MRTFA: variants seen among roughly 807,000 people sequenced by gnomAD.
MRTFA encodes the protein myocardin-related transcription factor A.
In MRTFA, 20 loss-of-function variants were observed where a neutral mutation model predicts 83.5. The observed-to-expected ratio is 0.24, with a 90% CI of 0.17 to 0.35. MRTFA has a LOEUF of 0.35. MRTFA is among the 10% of genes least tolerant of loss of function. The probability of loss-of-function intolerance (pLI) is 1.00; values close to 1 mark genes in which losing one functional copy is unlikely to be tolerated. For synonymous variants in MRTFA, 659 were observed against 541.2 expected (o/e 1.22, Z -3.02); for missense variants, 1,200 against 1,224.7 (o/e 0.98, Z 0.30).
intron 1 of MRTFA, among the ~76,000 whole-genome samples, chr22:40,607,898 T>G (rs1472738564): frequency 2.0e-5 from 3 of 152,256 alleles, no homozygotes; most frequent in Non-Finnish European, 4.4e-5. Flanking sequence ...TTCTGAGATT[T>G]AGACTTTGGG....
intron 3 of MRTFA, among the ~76,000 whole-genome samples, chr22:40,467,901 A>G (rs573089029): frequency 4.6e-5 from 7 of 152,364 alleles, no homozygotes; most frequent in Non-Finnish European, 8.8e-5. Context: ...CAACCTATAC[A>G]TAGATGAACA....
chr22:40,464,438 T>C (rs563391316), intron 3 of MRTFA, among the ~76,000 whole-genome samples: 2 of 147,020 alleles, frequency 1.4e-5, no homozygotes, highest in South Asian at 4.3e-4. Flanking sequence ...AATGAGAAAC[T>C]GCAGAGGTTG....
At chr22:40,611,030 C>T (rs190427150) in intron 1 of MRTFA, among the ~76,000 whole-genome samples, 8 of 150,972 alleles carry the variant, frequency 5.3e-5, no homozygotes, top group East Asian at 3.9e-4. Flanking sequence ...CTCCATGTCC[C>T]GGGCTCAAGT....
intron 4 of MRTFA, among the ~76,000 whole-genome samples, chr22:40,438,448 CA>C (rs1052666626): frequency 1.3e-5 from 2 of 152,110 alleles, no homozygotes; most frequent in Non-Finnish European, 2.9e-5. Flanking sequence ...GGGTAAGGCA[CA>C]AACCCAAAGG....
rs1012045540 is a variant in MRTFA at position 40,416,245 on chromosome 22, C to T, written c.2578+741G>A. ...CCCACTTCATCCATAAAGACACCAA[C>T]CTGGCTCTCTCCAAATGGGGCTGAT... On this transcript the variant is annotated intron_variant, in intron 14 of 14. Transcript: ENST00000355630. This position sits in a 1 kb window ranked among gnomAD's most constrained non-coding sequence, Gnocchi z 4.2. Among the ~76,000 whole-genome samples, 4 of 152,242 alleles carry T rather than the reference C, an allele frequency of 2.6e-5. No individual in the cohort carries two copies. Among genetic ancestry groups the T allele is most frequent in the African/African-American group, 9.6e-5 (4 of 41,458 alleles).
chr22:40,552,161 T>G lies in MRTFA; in HGVS notation c.186A>C (p.Leu62=). The G allele has an allele frequency of 2.5e-6, 1 of 399,002 alleles. No homozygotes were observed. The allele number at this position is 399,002 out of a possible 1,614,324, so 24.7% of individuals were successfully genotyped here. A position where few individuals can be genotyped will look rare whatever the true frequency, so the allele number is the denominator to read the frequency against. The change falls in exon 3 of 15, where the codon CTA becomes CTC. Residue 62 remains leucine (L), a synonymous_variant. Transcript: ENST00000355630. ...TGGGATTCCTGCCAGGGTGGAGGCC[T>G]AGGGTCAGCTCGGGCTGCAAGGAGA... is the stretch of plus-strand genomic sequence containing the variant.
chr22:40,463,978 A>C (rs964989528), intron 3 of MRTFA, among the ~76,000 whole-genome samples: 1 of 152,000 alleles, frequency 6.6e-6, no homozygotes, highest in Non-Finnish European at 1.5e-5. Flanking sequence ...TAATGAAAAA[A>C]CTTAATAGGG....
At chr22:40,534,465 GTA>G (rs2055133164) in intron 3 of MRTFA, among the ~76,000 whole-genome samples, 1 of 152,054 alleles carries the variant, frequency 6.6e-6, no homozygotes, top group African/African-American at 2.4e-5. Context: ...TACTTTTTTT[GTA>G]TGTTTGAGAC....
intron 1 of MRTFA, among the ~76,000 whole-genome samples, chr22:40,598,155 C>A (rs1042863374): frequency 5.3e-5 from 8 of 152,092 alleles, no homozygotes; most frequent in Non-Finnish European, 1.0e-4. Context: ...GATTTTAGCT[C>A]AAAGTTGTCA....
At chr22:40,599,740 A>G (rs2056235430) in intron 1 of MRTFA, among the ~76,000 whole-genome samples, 1 of 151,986 alleles carries the variant, frequency 6.6e-6, no homozygotes, top group African/African-American at 2.4e-5. Context: ...CGCTACAAAA[A>G]ATACAAAAAT....
At chr22:40,557,706 G>A (rs1465529690) in intron 2 of MRTFA, among the ~76,000 whole-genome samples, 1 of 152,122 alleles carries the variant, frequency 6.6e-6, no homozygotes, top group East Asian at 1.9e-4. Flanking sequence ...AAGGCAGGAG[G>A]AAAGGTGAAT....
chr22:40,618,630 A>G (rs529133854), intron 1 of MRTFA, among the ~76,000 whole-genome samples: 41 of 152,288 alleles, frequency 2.7e-4, no homozygotes, highest in African/African-American at 9.6e-4. Context: ...AGAACAGATA[A>G]TAAGAAATCA....
chr22:40,413,160 AAAAAG>A, intron 14 of MRTFA, among the ~76,000 whole-genome samples: 1 of 150,022 alleles, frequency 6.7e-6, no homozygotes, highest in Non-Finnish European at 1.5e-5. Context: ...AAAAAAAAAA[AAAAAG>A]GTTATGATGG....
chr22:40,472,249 A>G lies in MRTFA; in HGVS notation c.242-8963T>C, dbSNP rs2053927772. Among the ~76,000 whole-genome samples the G allele has an allele frequency of 3.3e-5, 5 of 152,198 alleles. No individual in the cohort carries two copies. In the South Asian group the frequency reaches 1.0e-3, roughly 31 times the overall value. On this transcript the variant is annotated intron_variant, in intron 3 of 14. Coordinates refer to ENST00000355630, the MANE Select transcript of MRTFA (RefSeq NM_020831.6). The stretch of plus-strand genomic sequence containing the variant: ...AAAGCTTAGCAGGTAATTCTAATGC[A>G]ATGCCATGTCAAGAGCTACCCTATG...
chr22:40,586,462 A>G (rs1416114593), intron 2 of MRTFA, among the ~76,000 whole-genome samples: 1 of 152,184 alleles, frequency 6.6e-6, no homozygotes, highest in Non-Finnish European at 1.5e-5. Flanking sequence ...AAACCCTACC[A>G]AAACACATTC....
chr22:40,618,322 C>G (rs1199387675), intron 1 of MRTFA, among the ~76,000 whole-genome samples: 1 of 150,484 alleles, frequency 6.6e-6, no homozygotes, highest in African/African-American at 2.4e-5. Flanking sequence ...AATCTCCTGA[C>G]CTCGTGACCC....
chr22:40,502,179 C>G (rs2054499080), intron 3 of MRTFA, among the ~76,000 whole-genome samples: 1 of 146,842 alleles, frequency 6.8e-6, no homozygotes, highest in Non-Finnish European at 1.5e-5. Flanking sequence ...CACCTCCCTC[C>G]CGGACGGGGT....
At chr22:40,630,143 T>C (rs954668461) in intron 1 of MRTFA, among the ~76,000 whole-genome samples, 1 of 151,798 alleles carries the variant, frequency 6.6e-6, no homozygotes, top group Non-Finnish European at 1.5e-5. Flanking sequence ...AGTGAAACCC[T>C]GCCTCTACTA....
intron 4 of MRTFA, among the ~76,000 whole-genome samples, chr22:40,438,845 C>T (rs764065193): frequency 1.3e-5 from 2 of 151,800 alleles, no homozygotes; most frequent in Non-Finnish European, 2.9e-5. Context: ...GGTCTTGGCA[C>T]GTGTTCCTCA....
Sources: allele counts gnomAD v4.1 joint callset (sites outside exome capture counted in the v4.1 genomes callset), GRCh38; gene constraint gnomAD v4.1.1; non-coding constraint Gnocchi (gnomAD v3.1); transcripts MANE v1.5; gene names NCBI Gene and HGNC (gene_info 2026-07-23, HGNC 2026-07-21).